ROBO2: variants seen among roughly 807,000 people sequenced by gnomAD.
ROBO2 encodes roundabout homolog 2.
A neutral mutation model predicts 160.8 loss-of-function variants in ROBO2; 53 were observed. The observed-to-expected ratio is 0.33, with a 90% confidence interval of 0.26 to 0.41. ROBO2 has a LOEUF of 0.41. Among genes scored for constraint, ROBO2 ranks in the 10% least tolerant of loss-of-function variants. The pLI, the probability that ROBO2 is intolerant of heterozygous loss-of-function variation, is 1.00. For missense variants in ROBO2, 1,577 were observed against 1,722.4 expected, an observed-to-expected ratio of 0.92 and a Z score of 1.49; for synonymous variants, 664 against 611.7, an observed-to-expected ratio of 1.09 and a Z score of -1.26.
At chr3:76,470,376 G>T (rs1472237947) in intron 2 of ROBO2, among the ~76,000 whole-genome samples, 2 of 152,094 alleles carry the variant, frequency 1.3e-5, no homozygotes, top group Non-Finnish European at 2.9e-5. Context: ...CTTGCTTGGG[G>T]TCCTTTACAG....
exon 23 of ROBO2, chr3:77,622,259 CTCCAGT>C: frequency 1.2e-6 from 2 of 1,614,136 alleles, no homozygotes; most frequent in Non-Finnish European, 1.7e-6. Context: ...CCTCCACAGC[CTCCAGT>C]TCCACCGTTA....
At chr3:77,628,336 A>G (rs949834198) in intron 23 of ROBO2, among the ~76,000 whole-genome samples, 4 of 151,666 alleles carry the variant, frequency 2.6e-5, no homozygotes, top group African/African-American at 9.7e-5. Context: ...GTTTATACTT[A>G]TGTTTGTGAA....
intron 2 of ROBO2, among the ~76,000 whole-genome samples, chr3:77,256,610 G>A (rs2058432344): frequency 1.3e-5 from 2 of 152,122 alleles, no homozygotes; most frequent in African/African-American, 2.4e-5. Context: ...AATAAGAGGA[G>A]GGCTTAAGCA....
intron 2 of ROBO2, among the ~76,000 whole-genome samples, chr3:76,304,339 A>T (rs1177845126): frequency 6.6e-6 from 1 of 152,222 alleles, no homozygotes; most frequent in African/African-American, 2.4e-5. Context: ...TGGCATTAAA[A>T]CATTCAGATC....
At chr3:77,045,649 C>T (rs990981790) in intron 1 of ROBO2, among the ~76,000 whole-genome samples, 2 of 152,134 alleles carry the variant, frequency 1.3e-5, no homozygotes, top group Admixed American at 6.5e-5. Context: ...CAATGAGGAA[C>T]CATTTTTCAC....
At chr3:76,235,717 G>T (rs968255985) in intron 2 of ROBO2, among the ~76,000 whole-genome samples, 1 of 152,178 alleles carries the variant, frequency 6.6e-6, no homozygotes, top group Non-Finnish European at 1.5e-5. Context: ...AGAGAGAAAA[G>T]TTCCATAGCC....
chr3:76,504,501 G>A (rs1252029654), intron 2 of ROBO2, among the ~76,000 whole-genome samples: 2 of 142,624 alleles, frequency 1.4e-5, no homozygotes, highest in East Asian at 4.4e-4. Context: ...ATGTTCATCA[G>A]TAAGCTTAGA....
intron 2 of ROBO2, among the ~76,000 whole-genome samples, chr3:76,867,405 A>G (rs2071494509): frequency 6.6e-6 from 1 of 152,196 alleles, no homozygotes; most frequent in African/African-American, 2.4e-5. Context: ...TGTATGTTAT[A>G]GGATGTGGTG....
At chr3:76,308,332 G>C (rs528116253) in intron 2 of ROBO2, among the ~76,000 whole-genome samples, 1 of 124,184 alleles carries the variant, frequency 8.1e-6, no homozygotes, top group East Asian at 2.6e-4. Flanking sequence ...AGGCGAGATC[G>C]CACCACTGCC....
At chr3:76,516,437 A>T (rs566293619) in intron 2 of ROBO2, among the ~76,000 whole-genome samples, 13 of 152,106 alleles carry the variant, frequency 8.5e-5, no homozygotes, top group Non-Finnish European at 1.9e-4. Context: ...GTGACCCCGA[A>T]CACATTGTCG....
chr3:76,782,284 A>G (rs886525661), intron 2 of ROBO2, among the ~76,000 whole-genome samples: 5 of 150,712 alleles, frequency 3.3e-5, no homozygotes, highest in Non-Finnish European at 6.0e-5. Context: ...ATCAGTTAAG[A>G]CTTCTTTTGT....
At chr3:76,403,842 C>T (rs148548309) in intron 2 of ROBO2, among the ~76,000 whole-genome samples, 9 of 151,602 alleles carry the variant, frequency 5.9e-5, no homozygotes, top group Admixed American at 1.3e-4. Context: ...AAAATGTATA[C>T]GCCGTGCCAT....
chr3:75,954,355 T>C (rs1053368060), intron 2 of ROBO2, among the ~76,000 whole-genome samples: 2 of 151,816 alleles, frequency 1.3e-5, no homozygotes, highest in Admixed American at 6.6e-5. Flanking sequence ...ATAGAGGAAG[T>C]GAATGTCTGT....
At chr3:76,269,803 A>G (rs1425931113) in intron 2 of ROBO2, among the ~76,000 whole-genome samples, 1 of 152,058 alleles carries the variant, frequency 6.6e-6, no homozygotes, top group African/African-American at 2.4e-5. Flanking sequence ...ATAAAAATCA[A>G]TACTTACCTG....
intron 2 of ROBO2, among the ~76,000 whole-genome samples, chr3:76,082,410 A>T (rs931250868): frequency 6.6e-6 from 1 of 152,118 alleles, no homozygotes; most frequent in African/African-American, 2.4e-5. Flanking sequence ...TGATGAGAGT[A>T]TAGGATGTGG....
At chr3:76,773,545 A>C (rs2108523440) in intron 2 of ROBO2, among the ~76,000 whole-genome samples, 1 of 148,592 alleles carries the variant, frequency 6.7e-6, no homozygotes, top group East Asian at 2.0e-4. Context: ...GAAGAGCTTC[A>C]AAATTAAGGG....
At chr3:75,952,265 C>T (rs1418809213) in intron 2 of ROBO2, among the ~76,000 whole-genome samples, 3 of 151,860 alleles carry the variant, frequency 2.0e-5, no homozygotes, top group Non-Finnish European at 4.4e-5. Flanking sequence ...CTAAAGAGCT[C>T]ATTCTGACTT....
intron 2 of ROBO2, among the ~76,000 whole-genome samples, chr3:76,210,444 T>C (rs1157081420): frequency 6.6e-6 from 1 of 152,090 alleles, no homozygotes; most frequent in Non-Finnish European, 1.5e-5. Context: ...AAATCAATTT[T>C]AAGAAACTTT....
At chr3:76,379,849 T>G (rs17013963) in intron 2 of ROBO2, among the ~76,000 whole-genome samples, 6,416 of 152,212 alleles carry the variant, frequency 0.042, 371 homozygotes, top group African/African-American at 0.13. Flanking sequence ...AATAACCCGG[T>G]CAGCATTACT....
Sources: gnomAD v4.1 joint callset for allele counts (sites outside exome capture counted in the v4.1 genomes callset) on GRCh38, gnomAD v4.1.1 for gene constraint, MANE v1.5 for transcripts, NCBI Gene and HGNC (gene_info 2026-07-23, HGNC 2026-07-21) for gene names.